KAT14: variants seen among roughly 807,000 people sequenced by gnomAD.
KAT14 encodes the protein cysteine-rich protein 2-binding protein.
In KAT14, 66 loss-of-function variants were observed where a neutral mutation model predicts 78.4. That is an observed-to-expected ratio of 0.84 (90% CI 0.69 to 1.03). The LOEUF is 1.03. Ranked by LOEUF, KAT14 falls within the 50% of genes least tolerant of loss-of-function variation. The pLI, the probability that KAT14 is intolerant of heterozygous loss-of-function variation, is 0.00. For missense variants in KAT14, 870 were observed against 972.5 expected (o/e 0.89, Z 1.40); for synonymous variants, 344 against 359.4 (o/e 0.96, Z 0.48).
chr20:18,181,987 C>T, intron 8 of KAT14, 141 bp downstream of exon 8: 2 of 1,303,120 alleles, frequency 1.5e-6, no homozygotes, highest in Non-Finnish European at 2.0e-6. Flanking sequence ...CTGTGCTTCA[C>T]CTCCAGTTTT....
intron 1 of KAT14, among the ~76,000 whole-genome samples, chr20:18,139,776 C>T (rs889472118): frequency 2.0e-5 from 3 of 151,904 alleles, no homozygotes; most frequent in Non-Finnish European, 2.9e-5. Context: ...GTGGATGTGT[C>T]GGAAGGTTCA....
intron 7 of KAT14, among the ~76,000 whole-genome samples, chr20:18,173,261 G>T (rs571282325): frequency 1.3e-5 from 2 of 152,196 alleles, no homozygotes; most frequent in Non-Finnish European, 2.9e-5. Context: ...AGACTTGTCC[G>T]CATTGAGCCT....
intron 10 of KAT14, among the ~76,000 whole-genome samples, 181 bp from the exon 11 acceptor site, chr20:18,187,105 G>A (rs2039473369): frequency 6.6e-6 from 1 of 152,180 alleles, no homozygotes. Flanking sequence ...TGAATGTTTT[G>A]ATCAGCAGCA....
intron 2 of KAT14, 142 bp downstream of exon 2, chr20:18,143,061 T>A (rs2037650848): frequency 7.0e-7 from 1 of 1,429,290 alleles, no homozygotes; most frequent in Admixed American, 2.8e-5. Flanking sequence ...GCTATAAATT[T>A]ATATAAAACA....
intron 10 of KAT14, among the ~76,000 whole-genome samples, chr20:18,185,443 C>T (rs767101108): frequency 3.3e-5 from 5 of 152,128 alleles, no homozygotes; most frequent in Non-Finnish European, 5.9e-5. Flanking sequence ...TTCAAGCAAT[C>T]CTTCCACCTC....
intron 3 of KAT14, among the ~76,000 whole-genome samples, chr20:18,145,950 A>G (rs2037811861): frequency 6.6e-6 from 1 of 152,166 alleles, no homozygotes; most frequent in Admixed American, 6.5e-5. Context: ...TTTAAAGTGG[A>G]AAGATGGCTA....
chr20:18,173,149 C>T (rs2038909997), intron 7 of KAT14, among the ~76,000 whole-genome samples: 1 of 152,198 alleles, frequency 6.6e-6, no homozygotes, highest in Non-Finnish European at 1.5e-5. Context: ...TCCTTTTCCC[C>T]TCCTCCATCT....
rs1241102009 is a variant in KAT14 at position 18,150,946 on chromosome 20, A to T, written c.500+4A>T. 6 of 1,613,348 alleles carry T rather than the reference A, an allele frequency of 3.7e-6. No individual in the cohort carries two copies. The highest frequency in any genetic ancestry group is 5.1e-6 in the Non-Finnish European group (6 of 1,179,600). On this transcript the variant is annotated splice_donor_region_variant and intron_variant, in intron 4 of 10. Coordinates refer to ENST00000688188, the MANE Select transcript of KAT14 (RefSeq NM_001392073.1). ...GGACTTTTTTACTAGGGAATAGGTA[A>T]TGTGTTTTTAAAAAATCTTATACTT...
intron 7 of KAT14, among the ~76,000 whole-genome samples, chr20:18,176,312 A>AG (rs1470313322): frequency 6.6e-6 from 1 of 151,626 alleles, no homozygotes; most frequent in Non-Finnish European, 1.5e-5. Context: ...AAAAAAAAAA[A>AG]AAAAAAAGTG....
intron 7 of KAT14, among the ~76,000 whole-genome samples, chr20:18,179,697 G>T (rs2039177870): frequency 6.6e-6 from 1 of 152,178 alleles, no homozygotes; most frequent in Non-Finnish European, 1.5e-5. Context: ...TTGTCTTGGG[G>T]ATTAACATTC....
intron 5 of KAT14, among the ~76,000 whole-genome samples, chr20:18,160,582 GCTA>G (rs923798960): frequency 5.9e-5 from 9 of 151,776 alleles, no homozygotes; most frequent in African/African-American, 2.2e-4. Flanking sequence ...CCTTTTTGTT[GCTA>G]TTTTATTTAT....
At chr20:18,158,543 A>G (rs2038302370) in intron 4 of KAT14, among the ~76,000 whole-genome samples, 1 of 152,208 alleles carries the variant, frequency 6.6e-6, no homozygotes, top group Non-Finnish European at 1.5e-5. Context: ...TTTGTGGAGT[A>G]TACCACATAG....
In KAT14 at chr20:18,181,723, C is replaced by G. The variant is rs752711495; in HGVS notation, c.1682C>G (p.Ser561Cys). The G allele has an allele frequency of 5.0e-5, 81 of 1,613,974 alleles. No homozygotes were observed. Among genetic ancestry groups the G allele is most frequent in the Non-Finnish European group, 6.7e-5 (79 of 1,180,000 alleles). ...ILDRYQTSLP[S>C]RKGFRHQTTK... ...TCTTTCTCATAGACTTCCTTGCCGT[C>G]CAGGAAGGGATTTCGACACCAGACC... Residue 561 changes from serine to cysteine, a missense_variant, in exon 8 of 11, where the codon TCC becomes TGC. By Grantham distance (112) the Ser-to-Cys change is moderately radical. Transcript: ENST00000688188.
At chr20:18,184,434 C>CT (rs1478228708) in intron 9 of KAT14, among the ~76,000 whole-genome samples, 168 bp from the exon 10 acceptor site, 1 of 148,592 alleles carries the variant, frequency 6.7e-6, no homozygotes, top group African/African-American at 2.5e-5. Flanking sequence ...AAAATTCACT[C>CT]TTATTTTTAT....
At chr20:18,141,543 T>C (rs2037580100) in intron 1 of KAT14, among the ~76,000 whole-genome samples, 2 of 152,338 alleles carry the variant, frequency 1.3e-5, no homozygotes, top group Non-Finnish European at 2.9e-5. Flanking sequence ...AGTGTTACTG[T>C]AGTAACTCGC....
intron 7 of KAT14, among the ~76,000 whole-genome samples, chr20:18,180,267 G>A (rs2039200236): frequency 1.3e-5 from 2 of 152,140 alleles, no homozygotes; most frequent in Non-Finnish European, 2.9e-5. Context: ...CTAGGGCAGG[G>A]CAAAATGCCA....
intron 8 of KAT14, among the ~76,000 whole-genome samples, chr20:18,182,130 T>TA (rs933021969): frequency 1.7e-4 from 25 of 148,556 alleles, no homozygotes; most frequent in African/African-American, 5.6e-4. Context: ...ATTATTATTA[T>TA]TTTTTTTTTG....
At chr20:18,181,929 A>G in intron 8 of KAT14, 83 bp downstream of exon 8, 1 of 1,551,968 alleles carries the variant, frequency 6.4e-7, no homozygotes, top group South Asian at 1.2e-5. Flanking sequence ...CTCCTGTTGG[A>G]GAGAATAAAG....
chr20:18,141,922 GT>G (rs201293392), intron 1 of KAT14, among the ~76,000 whole-genome samples: 26 of 149,882 alleles, frequency 1.7e-4, no homozygotes, highest in African/African-American at 2.5e-4. Context: ...CATAGTGCCA[GT>G]TTTTTTTTTC....
Sources: allele counts gnomAD v4.1 joint callset (sites outside exome capture counted in the v4.1 genomes callset), GRCh38; gene constraint gnomAD v4.1.1; transcripts MANE v1.5; gene names NCBI Gene and HGNC (gene_info 2026-07-23, HGNC 2026-07-21).